Variants in PLPPR1 observed in about 807,000 individuals in gnomAD.
PLPPR1 encodes phospholipid phosphatase-related protein type 1.
A neutral mutation model predicts 33.1 loss-of-function variants in PLPPR1; 10 were observed. The ratio of observed to expected loss-of-function variants is 0.30; its 90% CI spans 0.19 to 0.51. PLPPR1 has a LOEUF of 0.51. PLPPR1 is among the 20% of genes least tolerant of loss of function. PLPPR1 has a pLI of 0.97. For synonymous variants in PLPPR1, 151 were observed against 151.0 expected (o/e 1.00, Z 0.00); for missense variants, 304 against 408.1 (o/e 0.74, Z 2.20).
intron 2 of PLPPR1, among the ~76,000 whole-genome samples, chr9:101,254,719 T>C (rs1827769479): frequency 6.6e-6 from 1 of 152,208 alleles, no homozygotes; most frequent in African/African-American, 2.4e-5. Flanking sequence ...TAAGAGCCAC[T>C]TATGTGTTTA....
At chr9:101,238,642 TAGG>T (rs1056003689) in intron 2 of PLPPR1, among the ~76,000 whole-genome samples, 1 of 151,306 alleles carries the variant, frequency 6.6e-6, no homozygotes, top group African/African-American at 2.4e-5. Flanking sequence ...GGCGGAAAAA[TAGG>T]AGGAGAGTGA....
intron 1 of PLPPR1, among the ~76,000 whole-genome samples, chr9:101,064,163 C>T (rs1413705078): frequency 2.6e-5 from 4 of 152,092 alleles, no homozygotes; most frequent in Non-Finnish European, 4.4e-5. Flanking sequence ...ATTAATCCAA[C>T]TCATTCTTGA....
intron 1 of PLPPR1, among the ~76,000 whole-genome samples, chr9:101,164,924 T>C (rs2118678729): frequency 6.6e-6 from 1 of 152,104 alleles, no homozygotes; most frequent in African/African-American, 2.4e-5. Context: ...TTTGCAGATA[T>C]GAGAGGGGAG....
chr9:101,307,969 T>C (rs1275821388), intron 4 of PLPPR1, among the ~76,000 whole-genome samples: 2 of 152,232 alleles, frequency 1.3e-5, no homozygotes, highest in Non-Finnish European at 2.9e-5. Flanking sequence ...ACAGCAAAGC[T>C]TTCTGTAAGG....
At chr9:101,113,622 C>T (rs1273091977) in intron 1 of PLPPR1, among the ~76,000 whole-genome samples, 2 of 131,238 alleles carry the variant, frequency 1.5e-5, no homozygotes, top group Non-Finnish European at 3.3e-5. Context: ...TAAGAAAGAA[C>T]AGAAAAAACA....
chr9:101,204,268 C>CT (rs1826549220), intron 2 of PLPPR1, among the ~76,000 whole-genome samples: 1 of 152,158 alleles, frequency 6.6e-6, no homozygotes, highest in Non-Finnish European at 1.5e-5. Flanking sequence ...GCCCCAACCT[C>CT]TATTTCCTAG....
At chr9:101,086,852 A>G (rs1184179213) in intron 1 of PLPPR1, among the ~76,000 whole-genome samples, 1 of 152,158 alleles carries the variant, frequency 6.6e-6, no homozygotes. Flanking sequence ...TCTAAATATT[A>G]TCTCATGAGA....
intron 1 of PLPPR1, among the ~76,000 whole-genome samples, chr9:101,144,455 C>T (rs1489119772): frequency 1.3e-5 from 2 of 151,842 alleles, no homozygotes; most frequent in African/African-American, 4.8e-5. Context: ...TGGAGTCAGC[C>T]CTAATCCAAT....
chr9:101,287,707 G>A (rs1388082610), intron 4 of PLPPR1, among the ~76,000 whole-genome samples: 2 of 152,042 alleles, frequency 1.3e-5, no homozygotes, highest in African/African-American at 4.8e-5. Context: ...CACCATCTTG[G>A]CCAAGCTGGT....
chr9:101,305,247 G>T (rs1255677736), intron 4 of PLPPR1, among the ~76,000 whole-genome samples: 4 of 152,108 alleles, frequency 2.6e-5, no homozygotes, highest in African/African-American at 4.8e-5. Flanking sequence ...GCAAGTGTGT[G>T]TATGTGTGTG....
At chr9:101,265,082 C>T (rs1181591354) in intron 2 of PLPPR1, among the ~76,000 whole-genome samples, 1 of 152,180 alleles carries the variant, frequency 6.6e-6, no homozygotes, top group Non-Finnish European at 1.5e-5. Context: ...AGGTTCTCAT[C>T]CTCTTCTCTC....
chr9:101,258,809 A>G (rs1827846250), intron 2 of PLPPR1, among the ~76,000 whole-genome samples: 1 of 152,160 alleles, frequency 6.6e-6, no homozygotes, highest in Non-Finnish European at 1.5e-5. Context: ...GATCCTTGCA[A>G]TTATTGACTA....
Position 101,324,037 on chromosome 9 carries a change from T to C in PLPPR1, c.958T>C (p.Ser320Pro). The change falls in exon 8 of 8, where the codon TCC becomes CCC. Residue 320 changes from serine to proline, a missense_variant. Coordinates refer to ENST00000374874, the MANE Select transcript of PLPPR1 (RefSeq NM_207299.2). ...GTTTGCTCCACAGAATCACTCTGCG[T>C]CCATGACCGAAGTTACCTGAGACGA... ...ETLSAQNHSA[S>P]MTEVT is the part of the protein sequence containing the mutation. The C allele has an allele frequency of 1.2e-6, 2 of 1,613,034 alleles. No individual in the cohort carries two copies. The highest frequency in any genetic ancestry group is 1.7e-6 in the Non-Finnish European group (2 of 1,179,116).
At chr9:101,087,477 A>G (rs951951519) in intron 1 of PLPPR1, among the ~76,000 whole-genome samples, 1 of 152,232 alleles carries the variant, frequency 6.6e-6, no homozygotes, top group Admixed American at 6.5e-5. Context: ...AATTATATCT[A>G]CTTCTACCAA....
At chr9:101,307,176 C>A (rs1330186550) in intron 4 of PLPPR1, among the ~76,000 whole-genome samples, 2 of 152,184 alleles carry the variant, frequency 1.3e-5, no homozygotes, top group Admixed American at 6.5e-5. Flanking sequence ...CTACTTTCAG[C>A]CTTGGCATAC....
At chr9:101,270,844 A>C (rs1002012374) in intron 3 of PLPPR1, among the ~76,000 whole-genome samples, 4 of 152,054 alleles carry the variant, frequency 2.6e-5, no homozygotes, top group Non-Finnish European at 5.9e-5. Flanking sequence ...TCAGGATGTG[A>C]TCTTAGTTCC....
At chr9:101,029,587 TG>T (rs1829916454) in intron 1 of PLPPR1, among the ~76,000 whole-genome samples, 1 of 152,204 alleles carries the variant, frequency 6.6e-6, no homozygotes, top group South Asian at 2.1e-4. Flanking sequence ...CATGGGCACC[TG>T]TCATCCTTCC....
chr9:101,228,871 C>T (rs1301708925), intron 2 of PLPPR1, among the ~76,000 whole-genome samples: 1 of 152,094 alleles, frequency 6.6e-6, no homozygotes, highest in Non-Finnish European at 1.5e-5. Flanking sequence ...TTAATAGAAA[C>T]TCGCAGGAGA....
chr9:101,083,517 A>G (rs1830644548), intron 1 of PLPPR1, among the ~76,000 whole-genome samples: 1 of 152,344 alleles, frequency 6.6e-6, no homozygotes, highest in East Asian at 1.9e-4. Flanking sequence ...TCTTAAATAA[A>G]TGCAATGAAG....
Sources: allele counts gnomAD v4.1 joint callset (sites outside exome capture counted in the v4.1 genomes callset), GRCh38; gene constraint gnomAD v4.1.1; transcripts MANE v1.5; gene names NCBI Gene and HGNC (gene_info 2026-07-23, HGNC 2026-07-21).